Variants in NDUFC1 observed in about 807,000 individuals in gnomAD.
NDUFC1 encodes NADH:ubiquinone oxidoreductase subunit C1.
NDUFC1 carries 11 observed loss-of-function variants against 11.6 expected under a neutral mutation model. That is an observed-to-expected ratio of 0.95 (90% CI 0.60 to 1.58). NDUFC1 has a LOEUF of 1.58. NDUFC1 is among the 40% of genes most tolerant of loss of function. The pLI is 0.00. For synonymous variants in NDUFC1, 52 were observed against 42.2 expected (o/e 1.23, Z -0.90); for missense variants, 112 against 93.0 (o/e 1.20, Z -0.84).
At position 139,291,996 on chromosome 4, in the gene NDUFC1, C is replaced by G. The variant is rs79824609; in HGVS notation, c.*20+534G>C. The stretch of plus-strand genomic sequence containing the variant: ...AGACTACAGGCGCCCGCCACAACAC[C>G]TGGCTAATTTTTTTGTATTTTTGGT... On this transcript the variant is annotated intron_variant, in intron 5 of 5. Transcript: ENST00000394223. Among the ~76,000 whole-genome samples the G allele has an allele frequency of 3.9e-3, 590 of 152,184 alleles. 4 individuals are homozygous for G. The highest frequency in any genetic ancestry group is 0.013 in the African/African-American group (546 of 41,534).
chr4:139,297,632 T>C (rs1252682506), intron 1 of NDUFC1, among the ~76,000 whole-genome samples, 189 bp from the exon 2 acceptor site: 1 of 152,130 alleles, frequency 6.6e-6, no homozygotes, highest in Non-Finnish European at 1.5e-5. Context: ...GTCCAAGATT[T>C]TTCCACTGGG....
Position 139,295,077 on chromosome 4 carries a change from A to C in NDUFC1, c.137T>G (p.Phe46Cys). ...CAAGAAGACAGTGGTGCCCAAGGTG[A>C]ACCCAACTTTCAGCCAGTCAGGTTT... ...NAKPDWLKVGFTLGTTVFLWI... is the reference protein window; with the variant it reads ...NAKPDWLKVGCTLGTTVFLWI... The change falls in exon 4 of 6, where the codon TTC (phenylalanine) becomes TGC (cysteine). Residue 46 changes from phenylalanine (F) to cysteine (C), a missense_variant. Physicochemically the swap from Phe to Cys is radical, Grantham distance 205 (BLOSUM62 -2). Transcript: ENST00000394223. 1 of 1,614,166 alleles carries C rather than the reference A, an allele frequency of 6.2e-7. No homozygotes were observed. The highest frequency in any genetic ancestry group is 1.1e-5 in the South Asian group (1 of 91,088).
rs142599053 is a variant in NDUFC1, at chr4:139,291,749, C to T, written c.*20+781G>A. Among the ~76,000 whole-genome samples, 237 of 152,168 alleles carry T rather than the reference C, an allele frequency of 1.6e-3. 1 individual carries two copies. Among genetic ancestry groups the T allele is most frequent in the African/African-American group, 5.4e-3 (225 of 41,524 alleles). ...TACCAAACAGACATTAAGAAATACA[C>T]ACACGAAGAATAATAATTTGTCATA... On this transcript the variant is annotated intron_variant, in intron 5 of 5. Coordinates refer to ENST00000394223, the MANE Select transcript of NDUFC1 (RefSeq NM_001184989.2).
intron 4 of NDUFC1, among the ~76,000 whole-genome samples, chr4:139,294,662 G>A (rs111730025): frequency 5.1e-4 from 77 of 150,968 alleles, no homozygotes; most frequent in African/African-American, 1.7e-3. Context: ...GTGAACCCGC[G>A]AGGCAGAGCT....
intron 3 of NDUFC1, 106 bp from the exon 4 acceptor site, chr4:139,295,252 C>T: frequency 1.2e-6 from 1 of 831,792 alleles, no homozygotes; most frequent in Non-Finnish European, 2.0e-6. Context: ...TTCAACTCCC[C>T]CATCTCCCAC....
rs538221080 is a variant in NDUFC1, at chr4:139,298,598, C to A, written c.-221-1155G>T. Among the ~76,000 whole-genome samples, 287 of 149,732 alleles carry A rather than the reference C, an allele frequency of 1.9e-3. 1 individual carries two copies. The highest frequency in any genetic ancestry group is 3.3e-3 in the Non-Finnish European group (223 of 67,364). ...GAGAAATCCTGTCTATACACACACA[C>A]AAAAAAAACCCAGAAGCAATAGCAA... On this transcript the variant is annotated intron_variant, in intron 1 of 5. Coordinates refer to ENST00000394223, the MANE Select transcript of NDUFC1 (RefSeq NM_001184989.2).
In NDUFC1 at chr4:139,293,930, ATTTTTTTTTT is replaced by A. The variant is rs775805536; in HGVS notation, c.171+1103_171+1112del. 8.6e-5 allele frequency among the ~76,000 whole-genome samples: 6 copies of A among 69,746 alleles called. No individual in the cohort carries two copies. In the South Asian group the frequency reaches 2.5e-3, roughly 29 times the overall value. 45.8% of individuals were successfully genotyped at this position (69,746 alleles called of 152,430 possible). A position where few individuals can be genotyped will look rare whatever the true frequency, so the allele number is the denominator to read the frequency against. On this transcript the variant is annotated intron_variant, in intron 4 of 5. Coordinates refer to ENST00000394223, the MANE Select transcript of NDUFC1 (RefSeq NM_001184989.2). ...TTTATGTGTAAAGCATGTGGTGTGA[ATTTTTTTTTT>A]TTTTTTTTTTTTTTTTTTTGAGACA...
intron 5 of NDUFC1, among the ~76,000 whole-genome samples, chr4:139,290,405 A>G (rs1745163091): frequency 6.7e-6 from 1 of 148,314 alleles, no homozygotes; most frequent in South Asian, 2.1e-4. Context: ...TAGGCCTCCC[A>G]AAGTACTGAG....
chr4:139,301,367 C>A, intron 1 of NDUFC1: 1 of 420,986 alleles, frequency 2.4e-6, no homozygotes, highest in Non-Finnish European at 4.2e-6. Flanking sequence ...CCCCGACCCT[C>A]CCGGCCTCCA....
intron 1 of NDUFC1, chr4:139,301,596 A>G: frequency 1.5e-6 from 1 of 659,438 alleles, no homozygotes; most frequent in East Asian, 3.0e-5. Context: ...TGAGAAAGGA[A>G]AAAAGACAAC....
At chr4:139,291,841 C>T (rs1278581925) in intron 5 of NDUFC1, among the ~76,000 whole-genome samples, 1 of 144,252 alleles carries the variant, frequency 6.9e-6, no homozygotes, top group Non-Finnish European at 1.5e-5. Flanking sequence ...TGGGTTCATT[C>T]TTTTTTTTTT....
intron 4 of NDUFC1, among the ~76,000 whole-genome samples, chr4:139,294,321 T>A (rs1405817155): frequency 6.6e-6 from 1 of 152,168 alleles, no homozygotes; most frequent in Non-Finnish European, 1.5e-5. Context: ...GATTAAAACC[T>A]AATGGAAGTC....
rs1013219763 is a variant in NDUFC1, at chr4:139,296,242, C to A, written c.-162-282G>T. 3.1e-5 allele frequency: 5 copies of A among 160,878 alleles called. No homozygotes were observed. In the South Asian group the frequency reaches 7.8e-4, roughly 25 times the overall value. 10.0% of individuals were successfully genotyped at this position (160,878 alleles called of 1,614,324 possible). A position where few individuals can be genotyped will look rare whatever the true frequency, so the allele number is the denominator to read the frequency against. On this transcript the variant is annotated intron_variant, in intron 2 of 5. Coordinates refer to ENST00000394223, the MANE Select transcript of NDUFC1 (RefSeq NM_001184989.2). ...CACATATCATGCCGTGGTTATAAGC[C>A]TCAATTTACAGATGAAGCTTAAAGA...
At chr4:139,292,334 A>ACC (rs1339551383) in intron 5 of NDUFC1, among the ~76,000 whole-genome samples, 196 bp downstream of exon 5, 2 of 147,442 alleles carry the variant, frequency 1.4e-5, no homozygotes, top group African/African-American at 5.1e-5. Context: ...AACAAAAAAA[A>ACC]CCCCATCCCC....
chr4:139,292,479 A>G, intron 5 of NDUFC1, 51 bp downstream of exon 5: 1 of 855,048 alleles, frequency 1.2e-6, no homozygotes, highest in Non-Finnish European at 1.8e-6. Context: ...TTTAAAAAAG[A>G]GGTCAAGTTA....
At position 139,295,800 on chromosome 4, in the gene NDUFC1, T is replaced by C; in HGVS notation, c.-2A>G. The C allele has an allele frequency of 6.5e-7, 1 of 1,545,030 alleles. No homozygotes were observed. The highest frequency in any genetic ancestry group is 2.5e-5 in the East Asian group (1 of 40,404). ...ACGCAGCAAGGCGGACGGCGCCATCTTGCGTGGCCCAGCTCAGTCTCTCCG... is the reference window on the plus strand; with the variant it reads ...ACGCAGCAAGGCGGACGGCGCCATCCTGCGTGGCCCAGCTCAGTCTCTCCG... On this transcript the variant is annotated 5_prime_UTR_variant, in exon 3 of 6. Transcript: ENST00000394223.
At chr4:139,295,617 G>T in intron 3 of NDUFC1, 115 bp downstream of exon 3, 1 of 1,172,968 alleles carries the variant, frequency 8.5e-7, no homozygotes, top group Non-Finnish European at 1.2e-6. Context: ...GTCTGCCGGC[G>T]AAGGTCACTG....
chr4:139,298,521 C>T (rs950292685), intron 1 of NDUFC1, among the ~76,000 whole-genome samples: 3 of 150,854 alleles, frequency 2.0e-5, no homozygotes, highest in African/African-American at 7.3e-5. Flanking sequence ...TGGGAGGCTG[C>T]GGTGGGTGGA....
In NDUFC1 at chr4:139,301,771, C is replaced by T. The variant is rs374473030; in HGVS notation, c.-222+645G>A. 3.8e-6 allele frequency: 6 copies of T among 1,572,198 alleles called. No individual in the cohort carries two copies. In the African/African-American group the frequency reaches 4.1e-5, roughly 11 times the overall value. ...TGGTGGCGGGAGCAGCGGGAGCAGC[C>T]GGAACGATGCCGGCCGTGAGCCTCC... On this transcript the variant is annotated intron_variant, in intron 1 of 5. Transcript: ENST00000394223.
Sources: gnomAD v4.1 joint callset for allele counts (sites outside exome capture counted in the v4.1 genomes callset) on GRCh38, gnomAD v4.1.1 for gene constraint, MANE v1.5 for transcripts, NCBI Gene and HGNC (gene_info 2026-07-23, HGNC 2026-07-21) for gene names.